The following TMPRSS9 variants were observed in gnomAD, a reference collection of about 807,000 sequenced individuals.
TMPRSS9 encodes the protein transmembrane serine protease 9, also known as transmembrane protease serine 9.
TMPRSS9 carries 113 observed loss-of-function variants against 111.4 expected under a neutral mutation model. The ratio of observed to expected loss-of-function variants is 1.01; its 90% CI spans 0.87 to 1.19. The LOEUF (loss-of-function observed/expected upper bound fraction) is 1.19. Among genes scored for constraint, TMPRSS9 ranks in the 50% most tolerant of loss-of-function variants. The pLI is 0.00. For synonymous variants in TMPRSS9, 805 were observed against 659.1 expected (o/e 1.22, Z -3.39); for missense variants, 1,803 against 1,513.1 (o/e 1.19, Z -3.18).
intron 9 of TMPRSS9, 85 bp from the exon 11 acceptor site, chr19:2,413,615 T>C: frequency 6.9e-7 from 1 of 1,458,536 alleles, no homozygotes; most frequent in Non-Finnish European, 9.3e-7. Flanking sequence ...CTGTCCCAGC[T>C]CAGAGCTCCT....
chr19:2,400,833 G>A (rs1238384082), intron 4 of TMPRSS9, among the ~76,000 whole-genome samples: 1 of 151,696 alleles, frequency 6.6e-6, no homozygotes, highest in South Asian at 2.1e-4. Flanking sequence ...AATTAGCCGG[G>A]CATGGTGGCG....
At chr19:2,372,367 T>TA (rs11331621) in intron 1 of TMPRSS9, among the ~76,000 whole-genome samples, 1,700 of 150,148 alleles carry the variant, frequency 0.011, 38 homozygotes, top group African/African-American at 0.036. Context: ...TACGTTGCTT[T>TA]AAAAAAAAAA....
chr19:2,368,377 G>C (rs936576049), intron 1 of TMPRSS9, among the ~76,000 whole-genome samples: 5 of 152,252 alleles, frequency 3.3e-5, no homozygotes, highest in Admixed American at 6.5e-5. Context: ...GTATAGCTGA[G>C]GATGTCAGGC....
chr19:2,391,362 GTTT>G (rs372470176), intron 1 of TMPRSS9, among the ~76,000 whole-genome samples: 1 of 142,744 alleles, frequency 7.0e-6, no homozygotes, highest in East Asian at 2.0e-4. Flanking sequence ...ATCCTCCTAG[GTTT>G]TTTTTTTTCT....
intron 1 of TMPRSS9, among the ~76,000 whole-genome samples, chr19:2,364,980 A>G (rs1364564421): frequency 8.5e-6 from 1 of 117,540 alleles, no homozygotes; most frequent in African/African-American, 3.1e-5. Context: ...CTCCATCTCA[A>G]AAAAAAAAAA....
At chr19:2,398,911 A>G in intron 3 of TMPRSS9, 49 bp downstream of exon 4, 1 of 1,529,922 alleles carries the variant, frequency 6.5e-7, no homozygotes, top group South Asian at 1.2e-5. Context: ...GACATCTGGG[A>G]GTTTCTGGAG....
intron 7 of TMPRSS9, among the ~76,000 whole-genome samples, chr19:2,407,598 C>CTTTTCTTTTTA: frequency 2.1e-5 from 1 of 47,280 alleles, no homozygotes; most frequent in South Asian, 9.0e-4. Flanking sequence ...TGATTTTTTT[C>CTTTTCTTTTTA]TTTTCTTTTC....
intron 13 of TMPRSS9, 72 bp from the exon 15 acceptor site, chr19:2,421,782 C>T (rs1049617840): frequency 6.7e-7 from 1 of 1,495,050 alleles, no homozygotes; most frequent in Non-Finnish European, 9.0e-7. Context: ...TGTAGGAACG[C>T]AGGAGGGTAT....
rs188769617 is a variant in TMPRSS9, at chr19:2,369,491, C to T, written c.-26+9131C>T. 8.6e-3 allele frequency among the ~76,000 whole-genome samples: 1,303 copies of T among 152,092 alleles called. 7 individuals carry two copies. The highest frequency in any genetic ancestry group is 0.012 in the Non-Finnish European group (832 of 67,962). ...CCAGGCTGCAGTGTAGTGGCTTGAT[C>T]GCAGCTCACTGCAGCCTCAACCTCC... On this transcript the variant is annotated intron_variant, in intron 1 of 17. Transcript: ENST00000649857.
Position 2,398,785 on chromosome 19 carries a change from T to A in TMPRSS9, c.271-10T>A. 19 of 1,434,934 alleles carry A rather than the reference T, an allele frequency of 1.3e-5. No homozygotes were observed. The highest frequency in any genetic ancestry group is 1.6e-5 in the Non-Finnish European group (17 of 1,083,294). The allele number at this position is 1,434,934 out of a possible 1,614,324, so 88.9% of individuals were successfully genotyped here. On this transcript the variant is annotated splice_polypyrimidine_tract_variant and intron_variant, in intron 2 of 17. Transcript: ENST00000648592. Reference sequence around the variant, plus strand: ...GGTCTCAACATTTGATATTCTTGTTTCTATTGCAGTTTGTAAGTAGTTTTC... The same window carrying A: ...GGTCTCAACATTTGATATTCTTGTTACTATTGCAGTTTGTAAGTAGTTTTC...
intron 10 of TMPRSS9, 172 bp downstream of exon 11, chr19:2,414,190 G>C: frequency 3.0e-6 from 2 of 666,952 alleles, no homozygotes; most frequent in South Asian, 2.4e-5. Context: ...GTATCTTTCT[G>C]TCCACAGGTC....
chr19:2,374,139 C>T (rs1214977811), intron 1 of TMPRSS9, among the ~76,000 whole-genome samples: 3 of 150,412 alleles, frequency 2.0e-5, no homozygotes, highest in Non-Finnish European at 4.4e-5. Flanking sequence ...CACTGCTTTT[C>T]AAGCTATTAC....
At chr19:2,409,431 C>T (rs1055471442) in intron 8 of TMPRSS9, among the ~76,000 whole-genome samples, 2 of 152,014 alleles carry the variant, frequency 1.3e-5, no homozygotes, top group African/African-American at 4.8e-5. Flanking sequence ...TGTGAGCCAC[C>T]TCACCCGGCC....
chr19:2,426,090 C>G (rs1186487997), exon 18 of TMPRSS9: 21 of 1,570,762 alleles, frequency 1.3e-5, no homozygotes, highest in Non-Finnish European at 1.8e-5. Flanking sequence ...CAGGAGTGAC[C>G]ACCACGTGAC....
intron 1 of TMPRSS9, among the ~76,000 whole-genome samples, chr19:2,367,993 G>A (rs986938673): frequency 2.7e-5 from 4 of 150,826 alleles, no homozygotes; most frequent in African/African-American, 9.8e-5. Context: ...TTATAGGCAT[G>A]AGCCACCATG....
intron 1 of TMPRSS9, among the ~76,000 whole-genome samples, chr19:2,379,610 T>A (rs184280006): frequency 1.5e-4 from 23 of 149,810 alleles, no homozygotes; most frequent in African/African-American, 5.4e-4. Context: ...AAACTAACTT[T>A]CTTTCTCTTT....
At chr19:2,364,761 C>G (rs554561716) in intron 1 of TMPRSS9, among the ~76,000 whole-genome samples, 1 of 151,576 alleles carries the variant, frequency 6.6e-6, no homozygotes, top group East Asian at 1.9e-4. Context: ...TGAGGCGGGC[C>G]GATCATGAGG....
At position 2,367,627 on chromosome 19, in the gene TMPRSS9, G is replaced by A. The variant is rs372025574; in HGVS notation, c.-26+7267G>A. ...CGCCCAGGCTAGAATTCAGTGGCACGATCTCAGCTCACTGCAAGTTCTGCC... is the reference window on the plus strand; with the variant it reads ...CGCCCAGGCTAGAATTCAGTGGCACAATCTCAGCTCACTGCAAGTTCTGCC... On this transcript the variant is annotated intron_variant, in intron 1 of 17. Coordinates refer to the TMPRSS9 transcript ENST00000649857. Among the ~76,000 whole-genome samples the A allele has an allele frequency of 2.7e-4, 39 of 146,010 alleles. No homozygotes were observed. The South Asian group carries it at 8.0e-3, about 30-fold the overall frequency.
At chr19:2,403,123 T>C in exon 6 of TMPRSS9, 1 of 1,612,696 alleles carries the variant, frequency 6.2e-7, no homozygotes, top group Non-Finnish European at 8.5e-7. Context: ...GAACAGCCAG[T>C]GTGTGACCAA....
Sources: allele counts gnomAD v4.1 joint callset (sites outside exome capture counted in the v4.1 genomes callset), GRCh38; gene constraint gnomAD v4.1.1; transcripts MANE v1.5; gene names NCBI Gene and HGNC (gene_info 2026-07-23, HGNC 2026-07-21).